The following MSRB2 variants were observed in gnomAD, a reference collection of about 807,000 sequenced individuals.
The protein encoded by MSRB2 is methionine-R-sulfoxide reductase B2, mitochondrial.
MSRB2 carries 17 observed loss-of-function variants against 19.0 expected under a neutral mutation model. The ratio of observed to expected loss-of-function variants is 0.89; its 90% CI spans 0.61 to 1.34. The LOEUF is 1.34. Among genes scored for constraint, MSRB2 ranks in the 40% most tolerant of loss-of-function variants. The pLI is 0.00. For synonymous variants in MSRB2, 107 were observed against 99.7 expected (o/e 1.07, Z -0.44); for missense variants, 208 against 237.6 (o/e 0.88, Z 0.82).
chr10:23,100,562 T>G (rs1202521031), intron 1 of MSRB2, among the ~76,000 whole-genome samples: 1 of 152,162 alleles, frequency 6.6e-6, no homozygotes, highest in Admixed American at 6.5e-5. Flanking sequence ...ACAATCATGA[T>G]GTAAGGTGAA....
At chr10:23,113,989 T>C (rs1292782390) in intron 3 of MSRB2, among the ~76,000 whole-genome samples, 1 of 152,194 alleles carries the variant, frequency 6.6e-6, no homozygotes, top group African/African-American at 2.4e-5. Flanking sequence ...TAAGTACGTA[T>C]TGATTGGTTG....
At chr10:23,105,391 A>G (rs1272700467) in intron 2 of MSRB2, among the ~76,000 whole-genome samples, 1 of 152,094 alleles carries the variant, frequency 6.6e-6, no homozygotes, top group African/African-American at 2.4e-5. Context: ...CACTGAGTGT[A>G]TTCCTTTTCT....
intron 1 of MSRB2, among the ~76,000 whole-genome samples, chr10:23,103,128 T>C (rs1839943458): frequency 6.6e-6 from 1 of 152,222 alleles, no homozygotes; most frequent in South Asian, 2.1e-4. Context: ...ATCAACTATA[T>C]GTATCACTGG....
chr10:23,106,313 A>T (rs1053219575), intron 2 of MSRB2, among the ~76,000 whole-genome samples: 5 of 152,056 alleles, frequency 3.3e-5, no homozygotes, highest in South Asian at 2.1e-4. Flanking sequence ...CTCTTTGGTG[A>T]CTCTAAATTA....
chr10:23,110,444 T>A, intron 3 of MSRB2, 126 bp downstream of exon 3: 1 of 718,452 alleles, frequency 1.4e-6, no homozygotes, highest in Non-Finnish European at 2.3e-6. Context: ...ATTGCTCTTC[T>A]CATTTTGCAT....
intron 1 of MSRB2, among the ~76,000 whole-genome samples, chr10:23,099,655 G>T (rs116621846): frequency 1.5e-3 from 233 of 152,294 alleles, no homozygotes; most frequent in African/African-American, 5.5e-3. Flanking sequence ...GGCATTCAAG[G>T]CTGTAGTGTA....
intron 3 of MSRB2, among the ~76,000 whole-genome samples, chr10:23,114,349 C>CAAA (rs764900482): frequency 1.0e-4 from 5 of 49,258 alleles, no homozygotes; most frequent in African/African-American, 3.5e-4. Context: ...GACTCCATCT[C>CAAA]AAAAAAAAAA....
In MSRB2 at chr10:23,121,126, T is replaced by C. The variant is rs1249589703; in HGVS notation, c.*264T>C. ...AGAAAAACTAGAAAAATAAACAAAA[T>C]TAAAAAGAAAAAAAAATACCTGAGA... is the stretch of plus-strand genomic sequence containing the variant. On this transcript the variant is annotated 3_prime_UTR_variant, in exon 5 of 5. Transcript: ENST00000376510. 1 of 400,698 alleles carries C rather than the reference T, an allele frequency of 2.5e-6. No homozygotes were observed. Among genetic ancestry groups the C allele is most frequent in the African/African-American group, 2.1e-5 (1 of 48,202 alleles). The allele number at this position is 400,698 out of a possible 1,614,324, so 24.8% of individuals were successfully genotyped here. A position where few individuals can be genotyped will look rare whatever the true frequency, so the allele number is the denominator to read the frequency against.
At chr10:23,119,574 T>C in intron 4 of MSRB2, 123 bp downstream of exon 4, 1 of 1,179,760 alleles carries the variant, frequency 8.5e-7, no homozygotes, top group Non-Finnish European at 1.2e-6. Context: ...TCAGAACACA[T>C]GGGGTTTCTT....
chr10:23,102,067 G>C (rs1839931185), intron 1 of MSRB2, among the ~76,000 whole-genome samples: 1 of 152,004 alleles, frequency 6.6e-6, no homozygotes, highest in Admixed American at 6.5e-5. Context: ...TGGGATTATG[G>C]GCTATTAGGA....
At chr10:23,102,623 C>A (rs1839937256) in intron 1 of MSRB2, among the ~76,000 whole-genome samples, 1 of 152,146 alleles carries the variant, frequency 6.6e-6, no homozygotes, top group South Asian at 2.1e-4. Flanking sequence ...GTTGGTGATG[C>A]TAACTTAGCC....
At chr10:23,096,456 C>T (rs1394085715) in intron 1 of MSRB2, among the ~76,000 whole-genome samples, 2 of 151,892 alleles carry the variant, frequency 1.3e-5, no homozygotes, top group East Asian at 3.9e-4. Context: ...CTCGGGAGAC[C>T]TGTGCCAGCT....
intron 3 of MSRB2, among the ~76,000 whole-genome samples, chr10:23,112,880 G>A (rs1338886801): frequency 5.3e-5 from 8 of 152,180 alleles, no homozygotes; most frequent in African/African-American, 1.2e-4. Context: ...CAGCGCACCC[G>A]GGCGTAATGA....
Position 23,095,608 on chromosome 10 carries a change from C to A in MSRB2, c.-1C>A. The A allele has an allele frequency of 6.8e-7, 1 of 1,478,720 alleles. No individual in the cohort carries two copies. Among genetic ancestry groups the A allele is most frequent in the Non-Finnish European group, 8.9e-7 (1 of 1,120,842 alleles). 91.6% of individuals were successfully genotyped at this position (1,478,720 alleles called of 1,614,324 possible). On this transcript the variant is annotated 5_prime_UTR_variant, in exon 1 of 5. Coordinates refer to ENST00000376510, the MANE Select transcript of MSRB2 (RefSeq NM_012228.4). The stretch of plus-strand genomic sequence containing the variant: ...GGCGGAGCGGCGCCGGAGCGGGCGT[C>A]ATGGCGCGGCTCCTCTGGTTGCTCC...
intron 2 of MSRB2, among the ~76,000 whole-genome samples, chr10:23,105,906 G>A (rs921157375): frequency 1.3e-5 from 2 of 152,222 alleles, no homozygotes; most frequent in Non-Finnish European, 2.9e-5. Flanking sequence ...TTTTACTAAA[G>A]CCCTTGTTGG....
intron 1 of MSRB2, among the ~76,000 whole-genome samples, chr10:23,096,348 C>CTGTGTGTGTGTGTGTG (rs1471780853): frequency 1.7e-5 from 1 of 58,420 alleles, no homozygotes; most frequent in African/African-American, 7.7e-5. Flanking sequence ...GTCTCTCTCT[C>CTGTGTGTGTGTGTGTG]TCTCTGTGTG....
intron 1 of MSRB2, among the ~76,000 whole-genome samples, chr10:23,097,442 A>G (rs1839880813): frequency 6.6e-6 from 1 of 152,246 alleles, no homozygotes; most frequent in Non-Finnish European, 1.5e-5. Context: ...CCTGGCTTGC[A>G]GTTGACTGCC....
At chr10:23,112,093 G>A (rs1309089995) in intron 3 of MSRB2, among the ~76,000 whole-genome samples, 3 of 152,124 alleles carry the variant, frequency 2.0e-5, no homozygotes, top group Non-Finnish European at 4.4e-5. Context: ...AAAACCAGCC[G>A]ATTCTCCAAA....
At chr10:23,105,134 G>A (rs975506621) in intron 2 of MSRB2, among the ~76,000 whole-genome samples, 5 of 152,064 alleles carry the variant, frequency 3.3e-5, no homozygotes, top group African/African-American at 1.2e-4. Flanking sequence ...TTCATTTTCT[G>A]AGAGAACAAC....
Sources: gnomAD v4.1 joint callset for allele counts (sites outside exome capture counted in the v4.1 genomes callset) on GRCh38, gnomAD v4.1.1 for gene constraint, MANE v1.5 for transcripts, NCBI Gene and HGNC (gene_info 2026-07-23, HGNC 2026-07-21) for gene names.